The following EPHA3 variants were observed in gnomAD, a reference collection of about 807,000 sequenced individuals.
The protein encoded by EPHA3 is EPH receptor A3, also known as ephrin type-A receptor 3.
EPHA3 carries 42 observed loss-of-function variants against 107.1 expected under a neutral mutation model. That is an observed-to-expected ratio of 0.39 (90% CI 0.31 to 0.51). The LOEUF (loss-of-function observed/expected upper bound fraction) is 0.51. Ranked by LOEUF, EPHA3 falls within the 20% of genes least tolerant of loss-of-function variation. The pLI is 0.78. For synonymous variants in EPHA3, 461 were observed against 424.8 expected (o/e 1.09, Z -1.05); for missense variants, 1,183 against 1,211.2 (o/e 0.98, Z 0.35).
intron 3 of EPHA3, among the ~76,000 whole-genome samples, chr3:89,326,632 C>A (rs1707171700): frequency 6.6e-6 from 1 of 151,906 alleles, no homozygotes; most frequent in South Asian, 2.1e-4. Flanking sequence ...TCAAGAGATC[C>A]ACCTGTCTCA....
intron 1 of EPHA3, among the ~76,000 whole-genome samples, chr3:89,125,578 G>C (rs993434266): frequency 6.6e-6 from 1 of 151,516 alleles, no homozygotes; most frequent in African/African-American, 2.4e-5. Flanking sequence ...ATTATACTAT[G>C]TAATCCATGC....
chr3:89,401,265 A>T (rs1457211530), intron 7 of EPHA3, among the ~76,000 whole-genome samples: 1 of 152,218 alleles, frequency 6.6e-6, no homozygotes, highest in East Asian at 1.9e-4. Context: ...TTGAAATGTT[A>T]ATGTTTTTAG....
intron 3 of EPHA3, among the ~76,000 whole-genome samples, chr3:89,271,041 C>G (rs1459565194): frequency 6.6e-6 from 1 of 151,906 alleles, no homozygotes; most frequent in Non-Finnish European, 1.5e-5. Flanking sequence ...AGAATAAGCC[C>G]TCCCTACTAT....
At chr3:89,113,677 T>A (rs1433362222) in intron 1 of EPHA3, among the ~76,000 whole-genome samples, 2 of 151,936 alleles carry the variant, frequency 1.3e-5, no homozygotes, top group Non-Finnish European at 2.9e-5. Context: ...ACGTAAAACA[T>A]CTGGCTAATC....
chr3:89,107,775 CCTT>C lies in EPHA3; in HGVS notation c.30_32del (p.Leu11del), dbSNP rs1257815746. The C allele has an allele frequency of 1.9e-6, 3 of 1,614,206 alleles. No homozygotes were observed. Among genetic ancestry groups the C allele is most frequent in the East Asian group, 2.2e-5 (1 of 44,858 alleles). On this transcript the variant is annotated inframe_deletion, in exon 1 of 17. Coordinates refer to ENST00000336596, the MANE Select transcript of EPHA3 (RefSeq NM_005233.6). ...TGGATTGTCAGCTCTCCATCCTCCT[CCTT>C]CTCAGCTGCTCTGTTCTCGACAGCT...
intron 2 of EPHA3, among the ~76,000 whole-genome samples, chr3:89,178,530 G>A (rs1009812317): frequency 1.3e-5 from 2 of 151,930 alleles, no homozygotes; most frequent in Non-Finnish European, 2.9e-5. Context: ...GGGAATAATA[G>A]CTCCTGTGAA....
At chr3:89,136,356 A>ATTTTTTTTTTTT (rs1704315087) in intron 2 of EPHA3, among the ~76,000 whole-genome samples, 1 of 6,144 alleles carries the variant, frequency 1.6e-4, no homozygotes, top group African/African-American at 7.1e-4. Flanking sequence ...TTTTTTTTTG[A>ATTTTTTTTTTTT]CCCTTTCCTT....
intron 10 of EPHA3, among the ~76,000 whole-genome samples, chr3:89,416,980 A>C (rs946857398): frequency 6.6e-6 from 1 of 151,484 alleles, no homozygotes; most frequent in Non-Finnish European, 1.5e-5. Context: ...GCATTTTATA[A>C]AGCACTTTCA....
chr3:89,439,290 A>G (rs914825656), intron 13 of EPHA3, among the ~76,000 whole-genome samples: 5 of 152,268 alleles, frequency 3.3e-5, no homozygotes, highest in African/African-American at 1.2e-4. Flanking sequence ...CTAAATGTCA[A>G]GCTAATAGTA....
intron 2 of EPHA3, among the ~76,000 whole-genome samples, chr3:89,181,091 A>G (rs1024639808): frequency 5.9e-5 from 9 of 151,976 alleles, no homozygotes; most frequent in Non-Finnish European, 7.4e-5. Flanking sequence ...TAATTATGTA[A>G]TTTGAGTTTG....
At chr3:89,437,554 G>A (rs1709697811) in intron 13 of EPHA3, among the ~76,000 whole-genome samples, 1 of 152,082 alleles carries the variant, frequency 6.6e-6, no homozygotes, top group African/African-American at 2.4e-5. Flanking sequence ...ACAGAATCAT[G>A]ACACTATTGT....
At chr3:89,435,160 C>T (rs963054158) in intron 13 of EPHA3, among the ~76,000 whole-genome samples, 1 of 151,762 alleles carries the variant, frequency 6.6e-6, no homozygotes, top group African/African-American at 2.4e-5. Context: ...TAAATATATA[C>T]TTACTCCAGG....
At chr3:89,373,921 G>T (rs1051329485) in intron 5 of EPHA3, among the ~76,000 whole-genome samples, 2 of 151,558 alleles carry the variant, frequency 1.3e-5, no homozygotes, top group Admixed American at 1.3e-4. Context: ...TAACTCTAAG[G>T]GTCAAATAGA....
chr3:89,389,948 A>G (rs1213166554), intron 5 of EPHA3, among the ~76,000 whole-genome samples: 1 of 152,216 alleles, frequency 6.6e-6, no homozygotes, highest in African/African-American at 2.4e-5. Flanking sequence ...ACAATCTTTT[A>G]GAAAAAGTTC....
intron 3 of EPHA3, among the ~76,000 whole-genome samples, chr3:89,284,224 A>C (rs1706022952): frequency 6.6e-6 from 1 of 152,118 alleles, no homozygotes; most frequent in Non-Finnish European, 1.5e-5. Context: ...TTAACTACAC[A>C]TTTGGGGTAG....
At chr3:89,259,625 T>A (rs1259003922) in intron 3 of EPHA3, among the ~76,000 whole-genome samples, 4 of 152,182 alleles carry the variant, frequency 2.6e-5, no homozygotes, top group Non-Finnish European at 1.5e-5. Flanking sequence ...AGTAAAATGG[T>A]TGCTCTACTG....
rs796857390 is a variant in EPHA3, at chr3:89,219,703, G to GTTTT, written c.814+9186_814+9189dup. On this transcript the variant is annotated intron_variant, in intron 3 of 16. Coordinates refer to ENST00000336596, the MANE Select transcript of EPHA3 (RefSeq NM_005233.6). The stretch of plus-strand genomic sequence containing the variant: ...ATTTGGCAATGTTTTTTTTTTTTTT[G>GTTTT]TTTTTTGTTTTTTTTTTTTTTTTGA... Among the ~76,000 whole-genome samples, 17 of 26,230 alleles carry GTTTT rather than the reference G, an allele frequency of 6.5e-4. 2 individuals are homozygous for GTTTT. The highest frequency in any genetic ancestry group is 1.2e-3 in the African/African-American group (9 of 7,564). 17.2% of individuals were successfully genotyped at this position (26,230 alleles called of 152,430 possible).
At chr3:89,197,886 G>T (rs537897292) in intron 2 of EPHA3, among the ~76,000 whole-genome samples, 2 of 152,080 alleles carry the variant, frequency 1.3e-5, no homozygotes, top group South Asian at 4.1e-4. Context: ...TGAGGGGGGA[G>T]AATCGCTTGA....
intron 2 of EPHA3, among the ~76,000 whole-genome samples, chr3:89,131,793 C>A (rs529571907): frequency 6.6e-6 from 1 of 152,178 alleles, no homozygotes; most frequent in Non-Finnish European, 1.5e-5. Context: ...TTATTGATGT[C>A]TTAGCGGTGA....
Sources: allele counts gnomAD v4.1 joint callset (sites outside exome capture counted in the v4.1 genomes callset), GRCh38; gene constraint gnomAD v4.1.1; transcripts MANE v1.5; gene names NCBI Gene and HGNC (gene_info 2026-07-23, HGNC 2026-07-21).